Variants in MRTFB observed in about 807,000 individuals in gnomAD.
The protein encoded by MRTFB is myocardin related transcription factor B.
Under a neutral mutation model 104.2 loss-of-function variants are expected in MRTFB, and 29 were observed. That is an observed-to-expected ratio of 0.28 (90% CI 0.21 to 0.38). MRTFB has a LOEUF of 0.38. Among genes scored for constraint, MRTFB ranks in the 10% least tolerant of loss-of-function variants. The probability of loss-of-function intolerance (pLI) is 1.00; values close to 1 mark genes in which losing one functional copy is unlikely to be tolerated. For missense variants in MRTFB, 1,270 were observed against 1,341.6 expected (o/e 0.95, Z 0.83); for synonymous variants, 535 against 519.5 (o/e 1.03, Z -0.41).
intron 2 of MRTFB, among the ~76,000 whole-genome samples, chr16:14,132,043 G>T (rs1274194988): frequency 6.6e-6 from 1 of 152,150 alleles, no homozygotes; most frequent in African/African-American, 2.4e-5. Context: ...ATCATCTGAT[G>T]CATGGGTAAA....
intron 2 of MRTFB, 25 bp downstream of exon 2, chr16:14,079,379 T>A (rs1292807349): frequency 1.4e-5 from 5 of 348,158 alleles, no homozygotes; most frequent in South Asian, 1.4e-4. Flanking sequence ...AATTTTTTTT[T>A]AACAAAGAAA....
chr16:14,043,128 A>G, the MRTFB span, among the ~76,000 whole-genome samples: 1 of 152,148 alleles, frequency 6.6e-6, no homozygotes, highest in African/African-American at 2.4e-5. Flanking sequence ...TATTTTTAAA[A>G]TGGGATATGC....
intron 3 of MRTFB, among the ~76,000 whole-genome samples, chr16:14,145,596 A>G (rs538041151): frequency 1.3e-5 from 2 of 152,360 alleles, no homozygotes; most frequent in Admixed American, 1.3e-4. Flanking sequence ...TGTGACCAAA[A>G]TAGTACCTCA....
At chr16:14,105,177 GAA>G in intron 2 of MRTFB, among the ~76,000 whole-genome samples, 1 of 152,290 alleles carries the variant, frequency 6.6e-6, no homozygotes, top group East Asian at 1.9e-4. Flanking sequence ...TCCTTTGAGT[GAA>G]AATAACTGAG....
At chr16:14,206,939 A>C (rs1336355140) in intron 3 of MRTFB, among the ~76,000 whole-genome samples, 1 of 152,140 alleles carries the variant, frequency 6.6e-6, no homozygotes, top group Non-Finnish European at 1.5e-5. Context: ...TAAAAAAAAA[A>C]AAAACTGGGT....
intron 2 of MRTFB, among the ~76,000 whole-genome samples, chr16:14,095,908 G>T (rs2035335529): frequency 6.6e-6 from 1 of 152,116 alleles, no homozygotes; most frequent in Non-Finnish European, 1.5e-5. Flanking sequence ...CTTACAAGTA[G>T]TGTCTAATGT....
chr16:14,210,412 C>T, intron 4 of MRTFB, 104 bp downstream of exon 4: 1 of 800,986 alleles, frequency 1.2e-6, no homozygotes, highest in Non-Finnish European at 2.0e-6. Context: ...TCCATTTAAT[C>T]AACAAACAAT....
At chr16:14,240,160 A>G in intron 9 of MRTFB, 77 bp from the exon 10 acceptor site, 1 of 1,472,386 alleles carries the variant, frequency 6.8e-7, no homozygotes, top group South Asian at 1.4e-5. Context: ...TTAATTTCAA[A>G]TCATTTAGTC....
chr16:14,134,748 T>C (rs2037622566), intron 2 of MRTFB, among the ~76,000 whole-genome samples: 1 of 152,210 alleles, frequency 6.6e-6, no homozygotes, highest in Admixed American at 6.5e-5. Flanking sequence ...CTCCCAATTC[T>C]TTGCTCCAAT....
At chr16:14,205,143 G>A (rs1339393517) in intron 3 of MRTFB, among the ~76,000 whole-genome samples, 2 of 152,172 alleles carry the variant, frequency 1.3e-5, no homozygotes, top group Non-Finnish European at 1.5e-5. Flanking sequence ...GGTAACTCTA[G>A]TTGTGTCTCT....
At chr16:14,007,444 G>A in the MRTFB span, among the ~76,000 whole-genome samples, 18,444 of 152,132 alleles carry the variant, frequency 0.12, 1,751 homozygotes, top group African/African-American at 0.26. Context: ...TTCATCATAT[G>A]TATAAAGCAC....
At chr16:14,220,787 A>G (rs1262602416) in intron 8 of MRTFB, among the ~76,000 whole-genome samples, 2 of 152,174 alleles carry the variant, frequency 1.3e-5, no homozygotes, top group African/African-American at 4.8e-5. Context: ...TTATCTGTCA[A>G]CTAGGGCGAT....
chr16:14,082,743 A>G (rs1436963194), intron 2 of MRTFB, among the ~76,000 whole-genome samples: 2 of 152,178 alleles, frequency 1.3e-5, no homozygotes, highest in Non-Finnish European at 2.9e-5. Context: ...ATCGTACCAC[A>G]GCACTCCAGC....
rs1238159927 is a variant in MRTFB at position 14,262,696 on chromosome 16, C to T, written c.*1252C>T. 1 of 152,236 alleles carries T rather than the reference C, an allele frequency of 6.6e-6. No homozygotes were observed. The highest frequency in any genetic ancestry group is 1.5e-5 in the Non-Finnish European group (1 of 68,036). The allele number at this position is 152,236 out of a possible 1,614,324, so 9.4% of individuals were successfully genotyped here. A position where few individuals can be genotyped will look rare whatever the true frequency, so the allele number is the denominator to read the frequency against. On this transcript the variant is annotated 3_prime_UTR_variant, in exon 17 of 17. Transcript: ENST00000571589. Reference sequence around the variant, plus strand: ...GTTTTTATATAGAAAACAGTTATTACATATGTGTTAAGTCATTTCTTAAGA... The same window carrying T: ...GTTTTTATATAGAAAACAGTTATTATATATGTGTTAAGTCATTTCTTAAGA...
At chr16:14,159,243 T>C (rs933816289) in intron 3 of MRTFB, among the ~76,000 whole-genome samples, 1 of 152,200 alleles carries the variant, frequency 6.6e-6, no homozygotes, top group African/African-American at 2.4e-5. Flanking sequence ...TAGGAAGAAT[T>C]ACTTTACAAC....
At chr16:14,076,280 C>A (rs1440035451) in intron 1 of MRTFB, among the ~76,000 whole-genome samples, 1 of 152,124 alleles carries the variant, frequency 6.6e-6, no homozygotes, top group Non-Finnish European at 1.5e-5. Flanking sequence ...TAACCTCCAT[C>A]TCTCAGGTTC....
chr16:14,175,193 A>G (rs2039541550), intron 3 of MRTFB, among the ~76,000 whole-genome samples: 1 of 152,244 alleles, frequency 6.6e-6, no homozygotes, highest in Non-Finnish European at 1.5e-5. Context: ...TTAACCACAC[A>G]TATTTAAAGG....
At chr16:14,181,756 A>G (rs2039777813) in intron 3 of MRTFB, among the ~76,000 whole-genome samples, 1 of 152,212 alleles carries the variant, frequency 6.6e-6, no homozygotes, top group Admixed American at 6.5e-5. Flanking sequence ...GTAGTTTTAT[A>G]AGCATATATT....
intron 2 of MRTFB, among the ~76,000 whole-genome samples, chr16:14,092,096 T>C (rs1435272050): frequency 1.3e-5 from 2 of 151,626 alleles, no homozygotes; most frequent in Non-Finnish European, 2.9e-5. Flanking sequence ...TTCAGGGATA[T>C]GCAAGCCAAG....
Sources: allele counts gnomAD v4.1 joint callset (sites outside exome capture counted in the v4.1 genomes callset), GRCh38; gene constraint gnomAD v4.1.1; transcripts MANE v1.5; gene names NCBI Gene and HGNC (gene_info 2026-07-23, HGNC 2026-07-21).